DPYS: variants seen among roughly 807,000 people sequenced by gnomAD.
DPYS encodes dihydropyrimidine amidohydrolase.
A neutral mutation model predicts 50.3 loss-of-function variants in DPYS; 39 were observed. That is an observed-to-expected ratio of 0.78 (90% CI 0.60 to 1.01). The LOEUF is 1.01. DPYS is among the 50% of genes least tolerant of loss of function. DPYS has a pLI of 0.00. For synonymous variants in DPYS, 245 were observed against 250.7 expected, an observed-to-expected ratio of 0.98 and a Z score of 0.22; for missense variants, 659 against 680.9, an observed-to-expected ratio of 0.97 and a Z score of 0.36.
At chr8:104,422,969 T>G (rs1812595520) in intron 7 of DPYS, among the ~76,000 whole-genome samples, 1 of 152,210 alleles carries the variant, frequency 6.6e-6, no homozygotes, top group Admixed American at 6.5e-5. Context: ...CCAAGCACAA[T>G]TTTTCTAGCT....
At chr8:104,426,826 AT>A (rs374360515) in intron 6 of DPYS, among the ~76,000 whole-genome samples, 5 of 152,236 alleles carry the variant, frequency 3.3e-5, no homozygotes, top group Non-Finnish European at 7.4e-5. Flanking sequence ...GGACATTTAA[AT>A]TTTTTTCCAG....
At chr8:104,387,042 A>G (rs1811234252) in intron 8 of DPYS, among the ~76,000 whole-genome samples, 1 of 152,208 alleles carries the variant, frequency 6.6e-6, no homozygotes, top group Non-Finnish European at 1.5e-5. Context: ...AGACAACAGA[A>G]CTTCCAAATA....
chr8:104,442,439 C>G (rs1178704658), intron 4 of DPYS, among the ~76,000 whole-genome samples: 1 of 152,152 alleles, frequency 6.6e-6, no homozygotes, highest in Non-Finnish European at 1.5e-5. Flanking sequence ...ACATTATGGA[C>G]CCGGTACACG....
At chr8:104,459,214 C>T (rs57938831) in intron 1 of DPYS, among the ~76,000 whole-genome samples, 5 of 152,338 alleles carry the variant, frequency 3.3e-5, no homozygotes, top group Admixed American at 1.3e-4. Context: ...GTCAGAAACA[C>T]AGCCAGGTGA....
chr8:104,412,118 A>G (rs1209815535), intron 7 of DPYS, among the ~76,000 whole-genome samples: 1 of 152,186 alleles, frequency 6.6e-6, no homozygotes. Flanking sequence ...GAAATCTTTT[A>G]AACTTAGAAG....
chr8:104,435,930 A>T (rs1813127150), intron 4 of DPYS, among the ~76,000 whole-genome samples: 1 of 152,172 alleles, frequency 6.6e-6, no homozygotes, highest in African/African-American at 2.4e-5. Context: ...AGGGGGAGTG[A>T]CAGCCTAACC....
At chr8:104,449,089 G>A (rs538814571) in intron 2 of DPYS, among the ~76,000 whole-genome samples, 8 of 152,274 alleles carry the variant, frequency 5.3e-5, no homozygotes, top group Admixed American at 3.3e-4. Context: ...CCAAAATATT[G>A]AGAGTGGACA....
chr8:104,409,645 A>C (rs1013777337), intron 7 of DPYS, among the ~76,000 whole-genome samples: 1 of 152,084 alleles, frequency 6.6e-6, no homozygotes, highest in Non-Finnish European at 1.5e-5. Flanking sequence ...TATAAAAGTC[A>C]TTTACTTTGG....
intron 7 of DPYS, among the ~76,000 whole-genome samples, chr8:104,416,686 C>T (rs1446274977): frequency 6.6e-6 from 1 of 151,964 alleles, no homozygotes; most frequent in Non-Finnish European, 1.5e-5. Flanking sequence ...TGCACGCTTT[C>T]TTTGAGGAAG....
intron 8 of DPYS, among the ~76,000 whole-genome samples, chr8:104,383,216 G>A (rs1811112563): frequency 6.6e-6 from 1 of 152,130 alleles, no homozygotes; most frequent in Non-Finnish European, 1.5e-5. Context: ...TTCCGGTCAG[G>A]GCCATGCTTT....
At chr8:104,416,538 G>A (rs1812374857) in intron 7 of DPYS, among the ~76,000 whole-genome samples, 1 of 152,166 alleles carries the variant, frequency 6.6e-6, no homozygotes, top group African/African-American at 2.4e-5. Flanking sequence ...GCTTGTGGGT[G>A]TGGGGAGTGG....
intron 9 of DPYS, chr8:104,380,936 T>C (rs1811009782): frequency 2.4e-6 from 1 of 417,832 alleles, no homozygotes; most frequent in Admixed American, 3.5e-5. Flanking sequence ...TCATAGTTGA[T>C]TATCCAAGGC....
chr8:104,451,203 G>C (rs1419414524), intron 2 of DPYS, 43 bp downstream of exon 2: 2 of 1,610,966 alleles, frequency 1.2e-6, no homozygotes, highest in Non-Finnish European at 1.7e-6. Flanking sequence ...GCAGAGTGAG[G>C]ACAAGAGGAC....
intron 7 of DPYS, among the ~76,000 whole-genome samples, chr8:104,412,198 C>T (rs1325606985): frequency 1.3e-5 from 2 of 152,132 alleles, no homozygotes; most frequent in African/African-American, 2.4e-5. Flanking sequence ...TGTCCAGGAG[C>T]GTTGGCAGAT....
intron 8 of DPYS, among the ~76,000 whole-genome samples, chr8:104,387,222 G>A (rs533936579): frequency 6.6e-6 from 1 of 152,310 alleles, no homozygotes; most frequent in East Asian, 1.9e-4. Context: ...AGGTGCAACA[G>A]AGGTGATCTA....
intron 1 of DPYS, among the ~76,000 whole-genome samples, chr8:104,462,071 C>G (rs1814192160): frequency 6.6e-6 from 1 of 152,120 alleles, no homozygotes; most frequent in South Asian, 2.1e-4. Flanking sequence ...ATTCATTTAA[C>G]TAATGCATAT....
chr8:104,423,045 A>T (rs1251038302), intron 7 of DPYS, among the ~76,000 whole-genome samples: 1 of 152,248 alleles, frequency 6.6e-6, no homozygotes, highest in Non-Finnish European at 1.5e-5. Flanking sequence ...TTTTGTATGC[A>T]ACCAGATATT....
chr8:104,382,681 G>T, intron 8 of DPYS, among the ~76,000 whole-genome samples: 1 of 151,880 alleles, frequency 6.6e-6, no homozygotes, highest in South Asian at 2.1e-4. Context: ...CATAATTAAC[G>T]TAAGTATAAT....
intron 6 of DPYS, among the ~76,000 whole-genome samples, chr8:104,425,535 T>A (rs1354444133): frequency 6.6e-6 from 1 of 151,930 alleles, no homozygotes; most frequent in Non-Finnish European, 1.5e-5. Context: ...GGAACTGTAA[T>A]CCTAACACTT....
Sources: allele counts gnomAD v4.1 joint callset (sites outside exome capture counted in the v4.1 genomes callset), GRCh38; gene constraint gnomAD v4.1.1; transcripts MANE v1.5; gene names NCBI Gene and HGNC (gene_info 2026-07-23, HGNC 2026-07-21).